The following CAMK2D variants were observed in gnomAD, a reference collection of about 807,000 sequenced individuals.
The protein encoded by CAMK2D is calcium/calmodulin dependent protein kinase II delta.
In CAMK2D, 37 loss-of-function variants were observed where a neutral mutation model predicts 84.0. That is an observed-to-expected ratio of 0.44 (90% CI 0.34 to 0.58). The LOEUF (loss-of-function observed/expected upper bound fraction) is 0.58. CAMK2D is among the 20% of genes least tolerant of loss of function. The pLI is 0.02. For synonymous variants in CAMK2D, 202 were observed against 212.5 expected, an observed-to-expected ratio of 0.95 and a Z score of 0.43; for missense variants, 448 against 652.5, an observed-to-expected ratio of 0.69 and a Z score of 3.41.
intron 16 of CAMK2D, among the ~76,000 whole-genome samples, chr4:113,489,378 G>A (rs2097798362): frequency 9.6e-6 from 1 of 104,700 alleles, no homozygotes; most frequent in Admixed American, 8.5e-5. Flanking sequence ...CTATGAGTGA[G>A]AATATGCGGT....
At chr4:113,471,992 T>C (rs2097551811) in intron 16 of CAMK2D, among the ~76,000 whole-genome samples, 2 of 152,182 alleles carry the variant, frequency 1.3e-5, no homozygotes, top group Non-Finnish European at 2.9e-5. Context: ...AACTGTACTT[T>C]TCCTGCCATT....
chr4:113,759,451 G>C, intron 1 of CAMK2D, 37 bp from the exon 2 acceptor site: 1 of 1,191,166 alleles, frequency 8.4e-7, no homozygotes, highest in Non-Finnish European at 1.2e-6. Flanking sequence ...TAATATAACA[G>C]ATATAATATT....
chr4:113,577,890 G>A (rs1264299745), intron 4 of CAMK2D, among the ~76,000 whole-genome samples: 2 of 152,020 alleles, frequency 1.3e-5, no homozygotes, highest in Non-Finnish European at 2.9e-5. Context: ...GAGTGCACCT[G>A]ATTTAAGTCT....
intron 16 of CAMK2D, among the ~76,000 whole-genome samples, chr4:113,494,255 C>T (rs1011214592): frequency 2.3e-4 from 35 of 152,296 alleles, no homozygotes; most frequent in African/African-American, 8.4e-4. Context: ...TCTGTTTTTT[C>T]CCCAACTTTG....
intron 4 of CAMK2D, among the ~76,000 whole-genome samples, chr4:113,590,259 A>G (rs2154250743): frequency 6.6e-6 from 1 of 152,356 alleles, no homozygotes; most frequent in Non-Finnish European, 1.5e-5. Context: ...AAATATAGAT[A>G]GAGATCTATC....
chr4:113,565,913 G>A (rs1249262614), intron 4 of CAMK2D, among the ~76,000 whole-genome samples: 1 of 152,146 alleles, frequency 6.6e-6, no homozygotes, highest in Non-Finnish European at 1.5e-5. Context: ...AATGAGTTCA[G>A]AGTTTAGATG....
intron 16 of CAMK2D, among the ~76,000 whole-genome samples, chr4:113,474,316 T>G (rs574130074): frequency 6.6e-6 from 1 of 152,304 alleles, no homozygotes; most frequent in South Asian, 2.1e-4. Flanking sequence ...GGCATTCAAG[T>G]TTACACATTT....
intron 8 of CAMK2D, among the ~76,000 whole-genome samples, chr4:113,529,554 T>C (rs952105437): frequency 6.6e-6 from 1 of 152,196 alleles, no homozygotes; most frequent in Admixed American, 6.5e-5. Context: ...TAGGTGATTA[T>C]GTTGATAATC....
intron 3 of CAMK2D, among the ~76,000 whole-genome samples, chr4:113,628,656 A>G (rs1218066688): frequency 6.6e-6 from 1 of 152,152 alleles, no homozygotes; most frequent in East Asian, 1.9e-4. Context: ...AAGATGATGC[A>G]CGTAAATAAA....
chr4:113,663,447 G>C (rs1477889828), intron 2 of CAMK2D, among the ~76,000 whole-genome samples: 1 of 151,928 alleles, frequency 6.6e-6, no homozygotes, highest in Non-Finnish European at 1.5e-5. Flanking sequence ...AAATTAGCCG[G>C]GTGTGGTGGT....
intron 4 of CAMK2D, among the ~76,000 whole-genome samples, chr4:113,607,467 G>C (rs1428455887): frequency 6.6e-6 from 1 of 152,054 alleles, no homozygotes; most frequent in African/African-American, 2.4e-5. Flanking sequence ...CCGCAGGAGA[G>C]GTGAAAATAG....
At chr4:113,552,554 T>C (rs1182988310) in intron 4 of CAMK2D, among the ~76,000 whole-genome samples, 1 of 152,216 alleles carries the variant, frequency 6.6e-6, no homozygotes, top group Admixed American at 6.5e-5. Flanking sequence ...CACATAAAAA[T>C]AGATGCTTTT....
chr4:113,482,314 T>C (rs1241477619), intron 16 of CAMK2D, among the ~76,000 whole-genome samples: 1 of 152,144 alleles, frequency 6.6e-6, no homozygotes, highest in African/African-American at 2.4e-5. Context: ...TAGTAGGATT[T>C]TCTGAGACCG....
At chr4:113,494,334 C>T (rs938464339) in intron 16 of CAMK2D, among the ~76,000 whole-genome samples, 3 of 152,196 alleles carry the variant, frequency 2.0e-5, no homozygotes, top group Non-Finnish European at 4.4e-5. Flanking sequence ...GAAGTCCTTT[C>T]TGTTTGTTAG....
At chr4:113,694,540 A>G (rs994977933) in intron 2 of CAMK2D, among the ~76,000 whole-genome samples, 3 of 152,162 alleles carry the variant, frequency 2.0e-5, no homozygotes, top group Non-Finnish European at 2.9e-5. Context: ...CACTAACTTT[A>G]GTGAGAAGTG....
At chr4:113,663,970 G>A (rs952485112) in intron 2 of CAMK2D, among the ~76,000 whole-genome samples, 9 of 152,116 alleles carry the variant, frequency 5.9e-5, no homozygotes, top group African/African-American at 1.9e-4. Context: ...GTTAAAATGA[G>A]GTCATTATTG....
At chr4:113,709,712 T>C (rs914589755) in intron 2 of CAMK2D, among the ~76,000 whole-genome samples, 2 of 128,762 alleles carry the variant, frequency 1.6e-5, no homozygotes, top group African/African-American at 6.1e-5. Context: ...GGCTTTCATA[T>C]GTGGAGTAGA....
In CAMK2D at chr4:113,455,749, C is replaced by T. The variant is rs755794963; in HGVS notation, c.*6G>A. 13 of 1,609,294 alleles carry T rather than the reference C, an allele frequency of 8.1e-6. No homozygotes were observed. The Admixed American group carries it at 2.2e-4, about 27-fold the overall frequency. Reference sequence around the variant, plus strand: ...ACAAGACCCATATGTGAATGGTTTTCAGGCCTTAGATGTTTTGCCACAAAG... The same window carrying T: ...ACAAGACCCATATGTGAATGGTTTTTAGGCCTTAGATGTTTTGCCACAAAG... On this transcript the variant is annotated 3_prime_UTR_variant, in exon 20 of 21. Transcript: ENST00000511664.
chr4:113,611,248 A>T (rs914883911), intron 3 of CAMK2D, among the ~76,000 whole-genome samples: 2 of 152,162 alleles, frequency 1.3e-5, no homozygotes, highest in African/African-American at 2.4e-5. Context: ...TCTTCTAATG[A>T]TCATTTAGTA....
Sources: gnomAD v4.1 joint callset for allele counts (sites outside exome capture counted in the v4.1 genomes callset) on GRCh38, gnomAD v4.1.1 for gene constraint, MANE v1.5 for transcripts, NCBI Gene and HGNC (gene_info 2026-07-23, HGNC 2026-07-21) for gene names.